SOX6: variants seen among roughly 807,000 people sequenced by gnomAD.
SOX6 encodes SRY-box transcription factor 6.
A neutral mutation model predicts 97.8 loss-of-function variants in SOX6; 11 were observed. The ratio of observed to expected loss-of-function variants is 0.11; its 90% CI spans 0.07 to 0.19. The LOEUF is 0.19. SOX6 is among the 10% of genes least tolerant of loss of function. The probability of loss-of-function intolerance (pLI) is 1.00; values close to 1 mark genes in which losing one functional copy is unlikely to be tolerated. For synonymous variants in SOX6, 360 were observed against 371.4 expected, an observed-to-expected ratio of 0.97 and a Z score of 0.35; for missense variants, 810 against 1,039.5, an observed-to-expected ratio of 0.78 and a Z score of 3.04.
intron 6 of SOX6, among the ~76,000 whole-genome samples, chr11:16,126,257 A>C (rs1186086408): frequency 2.0e-5 from 3 of 152,114 alleles, no homozygotes; most frequent in Admixed American, 2.0e-4. Context: ...TGTGATGATC[A>C]AATCTATAGA....
At chr11:16,709,291 G>A (rs1848159531) in intron 3 of SOX6, among the ~76,000 whole-genome samples, 1 of 151,972 alleles carries the variant, frequency 6.6e-6, no homozygotes, top group Non-Finnish European at 1.5e-5. Flanking sequence ...GCTGAGGAGG[G>A]TAAATCACTT....
intron 6 of SOX6, among the ~76,000 whole-genome samples, chr11:16,139,912 T>C (rs1850082526): frequency 6.7e-6 from 1 of 149,292 alleles, no homozygotes; most frequent in Non-Finnish European, 1.5e-5. Context: ...ATTTCATATT[T>C]GTAACTCTTT....
chr11:16,069,626 A>T (rs1230842847), intron 9 of SOX6, among the ~76,000 whole-genome samples: 3 of 152,180 alleles, frequency 2.0e-5, no homozygotes, highest in Non-Finnish European at 2.9e-5. Flanking sequence ...AATTATAATC[A>T]TGTTAAGGTG....
At chr11:15,988,012 G>C (rs979958019) in intron 14 of SOX6, among the ~76,000 whole-genome samples, 1 of 152,114 alleles carries the variant, frequency 6.6e-6, no homozygotes, top group African/African-American at 2.4e-5. Flanking sequence ...ATGTGTATCT[G>C]TGCATGTCCA....
intron 1 of SOX6, among the ~76,000 whole-genome samples, chr11:16,373,105 A>T (rs1857535846): frequency 6.6e-6 from 1 of 152,102 alleles, no homozygotes; most frequent in Admixed American, 6.6e-5. Context: ...GTGTGTTAGT[A>T]TATGAATACA....
At chr11:16,461,991 A>AT (rs1386551533) in intron 1 of SOX6, among the ~76,000 whole-genome samples, 2 of 152,208 alleles carry the variant, frequency 1.3e-5, no homozygotes, top group African/African-American at 4.8e-5. Flanking sequence ...GCAGCATCTA[A>AT]TGCTGTGCTT....
intron 6 of SOX6, among the ~76,000 whole-genome samples, chr11:16,171,068 C>G (rs749657312): frequency 1.9e-4 from 29 of 151,974 alleles, no homozygotes; most frequent in Non-Finnish European, 3.4e-4. Flanking sequence ...TGCTGTTTAA[C>G]CTGATTGTGT....
intron 6 of SOX6, among the ~76,000 whole-genome samples, chr11:16,160,332 A>G (rs1356025457): frequency 6.6e-6 from 1 of 152,168 alleles, no homozygotes; most frequent in Non-Finnish European, 1.5e-5. Context: ...AGAGCCTGGG[A>G]AGGATATGAC....
chr11:16,492,633 A>T (rs1860529786), intron 4 of SOX6, among the ~76,000 whole-genome samples: 1 of 151,768 alleles, frequency 6.6e-6, no homozygotes, highest in Non-Finnish European at 1.5e-5. Context: ...AAACCTCACT[A>T]CTCCCTCACT....
chr11:16,118,503 G>A (rs1849407562), intron 6 of SOX6, among the ~76,000 whole-genome samples: 1 of 152,236 alleles, frequency 6.6e-6, no homozygotes, highest in Admixed American at 6.5e-5. Flanking sequence ...AGTTGTTGAT[G>A]ATGCCATTTT....
intron 4 of SOX6, among the ~76,000 whole-genome samples, chr11:16,230,311 G>A (rs551310762): frequency 2.0e-3 from 96 of 47,706 alleles, no homozygotes; most frequent in Middle Eastern, 0.017. Context: ...GGCAATGAAC[G>A]TATGAAGGGT....
In SOX6 at chr11:16,391,769, T is replaced by C. The variant is rs117405904; in HGVS notation, c.-4-50517A>G. Among the ~76,000 whole-genome samples, 94 of 152,190 alleles carry C rather than the reference T, an allele frequency of 6.2e-4. 1 individual carries two copies. The East Asian group carries it at 0.014, about 23-fold the overall frequency. Reference sequence around the variant, plus strand: ...CTCATGCAAATGATTTAAGAGAAGATGAAAGGAAGGGAGAGGACTAATTAT... The same window carrying C: ...CTCATGCAAATGATTTAAGAGAAGACGAAAGGAAGGGAGAGGACTAATTAT... On this transcript the variant is annotated intron_variant, in intron 1 of 15. Transcript: ENST00000396356.
intron 9 of SOX6, among the ~76,000 whole-genome samples, chr11:16,068,824 C>T (rs1378310): frequency 0.067 from 10,173 of 152,260 alleles, 493 homozygotes; most frequent in South Asian, 0.15. Flanking sequence ...ATAGCTCAAC[C>T]TTTGACCCTG....
At chr11:16,527,641 T>C (rs1009263153) in intron 4 of SOX6, among the ~76,000 whole-genome samples, 4 of 152,150 alleles carry the variant, frequency 2.6e-5, no homozygotes, top group African/African-American at 9.7e-5. Flanking sequence ...TGAGAAGATG[T>C]AACAAATGCC....
At chr11:16,285,308 G>A (rs966667917) in intron 3 of SOX6, among the ~76,000 whole-genome samples, 1 of 152,048 alleles carries the variant, frequency 6.6e-6, no homozygotes, top group African/African-American at 2.4e-5. Flanking sequence ...CAAGGCAGGG[G>A]GATCATCTGA....
At chr11:16,462,040 A>G (rs753277989) in intron 1 of SOX6, among the ~76,000 whole-genome samples, 2 of 152,244 alleles carry the variant, frequency 1.3e-5, no homozygotes, top group Non-Finnish European at 2.9e-5. Context: ...TGTGGAGCTG[A>G]ATTAGTTTCC....
intron 3 of SOX6, among the ~76,000 whole-genome samples, chr11:16,298,500 G>A (rs1221685390): frequency 1.3e-5 from 2 of 151,856 alleles, no homozygotes; most frequent in African/African-American, 4.8e-5. Context: ...ATACAAAGTT[G>A]TTTCCTGTTT....
intron 4 of SOX6, among the ~76,000 whole-genome samples, chr11:16,565,127 T>C (rs1255765059): frequency 6.6e-6 from 1 of 152,098 alleles, no homozygotes; most frequent in Non-Finnish European, 1.5e-5. Flanking sequence ...GGGATATCAT[T>C]ACAGACCGTG....
At chr11:16,306,071 TA>T (rs1226311633) in intron 3 of SOX6, among the ~76,000 whole-genome samples, 2 of 152,076 alleles carry the variant, frequency 1.3e-5, no homozygotes, top group Non-Finnish European at 2.9e-5. Context: ...CAAAAATATA[TA>T]GAACTTAATA....
Sources: gnomAD v4.1 joint callset for allele counts (sites outside exome capture counted in the v4.1 genomes callset) on GRCh38, gnomAD v4.1.1 for gene constraint, MANE v1.5 for transcripts, NCBI Gene and HGNC (gene_info 2026-07-23, HGNC 2026-07-21) for gene names.